GPC6: variants seen among roughly 807,000 people sequenced by gnomAD.
The protein encoded by GPC6 is glypican 6, also known as glypican-6.
A neutral mutation model predicts 55.2 loss-of-function variants in GPC6; 14 were observed. That is an observed-to-expected ratio of 0.25 (90% CI 0.17 to 0.40). The LOEUF is 0.40. GPC6 is among the 10% of genes least tolerant of loss of function. GPC6 has a pLI of 1.00. For synonymous variants in GPC6, 278 were observed against 259.6 expected, an observed-to-expected ratio of 1.07 and a Z score of -0.68; for missense variants, 641 against 708.5, an observed-to-expected ratio of 0.90 and a Z score of 1.08.
intron 1 of GPC6, among the ~76,000 whole-genome samples, chr13:93,415,748 A>C (rs1321819442): frequency 6.6e-6 from 1 of 152,140 alleles, no homozygotes; most frequent in African/African-American, 2.4e-5. Flanking sequence ...GTACTGGAAG[A>C]TGAGCATCTT....
intron 4 of GPC6, among the ~76,000 whole-genome samples, chr13:94,272,463 C>CTTTTTTTTTTTTTTTTTTTTTTTTTTTT (rs555664508): frequency 2.3e-5 from 2 of 85,742 alleles, no homozygotes; most frequent in Non-Finnish European, 4.3e-5. Flanking sequence ...CTTTTCTTTT[C>CTTTTTTTTTTTTTTTTTTTTTTTTTTTT]TTTTTTTTTT....
At chr13:93,228,623 C>T (rs578231743) in intron 1 of GPC6, among the ~76,000 whole-genome samples, 2 of 152,112 alleles carry the variant, frequency 1.3e-5, no homozygotes, top group African/African-American at 4.8e-5. Context: ...TGAAACGTGT[C>T]GGGGAGAGAT....
At chr13:93,581,767 T>C (rs1007088080) in intron 2 of GPC6, among the ~76,000 whole-genome samples, 1 of 152,184 alleles carries the variant, frequency 6.6e-6, no homozygotes, top group Admixed American at 6.5e-5. Context: ...ATTAAATCTA[T>C]CTGTTGTGGA....
intron 1 of GPC6, among the ~76,000 whole-genome samples, chr13:93,424,515 T>A (rs1044368360): frequency 6.6e-6 from 1 of 152,112 alleles, no homozygotes; most frequent in African/African-American, 2.4e-5. Flanking sequence ...TACTACGCAG[T>A]GCAACATGGA....
At chr13:94,318,588 C>T (rs1876660324) in intron 6 of GPC6, among the ~76,000 whole-genome samples, 1 of 152,184 alleles carries the variant, frequency 6.6e-6, no homozygotes, top group Non-Finnish European at 1.5e-5. Context: ...GATTTCATCA[C>T]ACTACTCAGA....
chr13:93,845,036 T>C (rs532192098), intron 3 of GPC6, among the ~76,000 whole-genome samples: 60 of 152,124 alleles, frequency 3.9e-4, no homozygotes, highest in African/African-American at 1.4e-3. Flanking sequence ...CATGCTGTTT[T>C]GGTTACTGTA....
chr13:93,376,690 GGTTA>G (rs1353969168), intron 1 of GPC6, among the ~76,000 whole-genome samples: 1 of 151,748 alleles, frequency 6.6e-6, no homozygotes, highest in Non-Finnish European at 1.5e-5. Flanking sequence ...TGTATTCTAT[GGTTA>G]GTAACTATAT....
chr13:94,264,776 C>T (rs76159794), intron 4 of GPC6, among the ~76,000 whole-genome samples: 5,169 of 152,202 alleles, frequency 0.034, 260 homozygotes, highest in East Asian at 0.21. Context: ...ATACCCAAGA[C>T]GGGTAATTTA....
chr13:93,804,558 A>G (rs540659441), intron 2 of GPC6, among the ~76,000 whole-genome samples: 1 of 152,320 alleles, frequency 6.6e-6, no homozygotes, highest in Non-Finnish European at 1.5e-5. Context: ...TCTACATGCC[A>G]TAACTTAGTG....
intron 1 of GPC6, among the ~76,000 whole-genome samples, chr13:93,544,761 C>T (rs1251844908): frequency 6.6e-6 from 1 of 152,052 alleles, no homozygotes; most frequent in East Asian, 1.9e-4. Context: ...CGAATGAGAC[C>T]TACCATTAAA....
At chr13:94,092,529 T>C (rs959139034) in intron 4 of GPC6, among the ~76,000 whole-genome samples, 1 of 152,152 alleles carries the variant, frequency 6.6e-6, no homozygotes, top group Non-Finnish European at 1.5e-5. Flanking sequence ...TATCCGTTCA[T>C]CTGTTGATGG....
chr13:93,517,658 G>A (rs879924526), intron 1 of GPC6, among the ~76,000 whole-genome samples: 6 of 151,960 alleles, frequency 3.9e-5, no homozygotes, highest in Non-Finnish European at 7.4e-5. Context: ...GATCTGCCCA[G>A]AACATCACTT....
At chr13:93,604,634 G>A (rs79384227) in intron 2 of GPC6, among the ~76,000 whole-genome samples, 1,881 of 151,846 alleles carry the variant, frequency 0.012, 24 homozygotes, top group Middle Eastern at 0.041. Context: ...TGGAAAAATC[G>A]CAGTATAAGA....
intron 1 of GPC6, among the ~76,000 whole-genome samples, chr13:93,376,660 A>T (rs1432384995): frequency 6.6e-6 from 1 of 152,140 alleles, no homozygotes; most frequent in Non-Finnish European, 1.5e-5. Flanking sequence ...TGCAGACCTA[A>T]TTACCATGTG....
chr13:94,163,322 C>A (rs1240036500), intron 4 of GPC6, among the ~76,000 whole-genome samples: 1 of 151,752 alleles, frequency 6.6e-6, no homozygotes, highest in Non-Finnish European at 1.5e-5. Flanking sequence ...ATCTCCATCC[C>A]CCTACTTCCT....
intron 3 of GPC6, among the ~76,000 whole-genome samples, chr13:93,982,980 G>T (rs1880872095): frequency 6.6e-6 from 1 of 152,158 alleles, no homozygotes; most frequent in Non-Finnish European, 1.5e-5. Flanking sequence ...CTTTTGATGG[G>T]CTGGATTTGG....
At chr13:94,266,410 C>T (rs939543014) in intron 4 of GPC6, among the ~76,000 whole-genome samples, 14 of 152,212 alleles carry the variant, frequency 9.2e-5, no homozygotes, top group South Asian at 4.1e-4. Flanking sequence ...CCTCGTGATC[C>T]GCCCGCCTTG....
intron 2 of GPC6, among the ~76,000 whole-genome samples, chr13:93,545,864 A>T (rs1327587066): frequency 1.3e-5 from 2 of 152,164 alleles, no homozygotes; most frequent in Non-Finnish European, 2.9e-5. Flanking sequence ...TTTATTTTAG[A>T]CTTTGCCATT....
intron 2 of GPC6, among the ~76,000 whole-genome samples, chr13:93,623,747 C>T (rs1017699787): frequency 2.6e-5 from 4 of 151,976 alleles, no homozygotes; most frequent in Non-Finnish European, 5.9e-5. Context: ...CTTGGGCCAC[C>T]GCGCCTGGCC....
Sources: allele counts gnomAD v4.1 joint callset (sites outside exome capture counted in the v4.1 genomes callset), GRCh38; gene constraint gnomAD v4.1.1; transcripts MANE v1.5; gene names NCBI Gene and HGNC (gene_info 2026-07-23, HGNC 2026-07-21).